DNAH11: variants seen among roughly 807,000 people sequenced by gnomAD.
DNAH11 encodes dynein axonemal heavy chain 11, also known as axonemal beta dynein heavy chain 11.
Under a neutral mutation model 526.0 loss-of-function variants are expected in DNAH11, and 442 were observed. The ratio of observed to expected loss-of-function variants is 0.84; its 90% CI spans 0.78 to 0.91. The LOEUF is 0.91. Ranked by LOEUF, DNAH11 falls within the 40% of genes least tolerant of loss-of-function variation. The probability of loss-of-function intolerance (pLI) is 0.00; values close to 1 mark genes in which losing one functional copy is unlikely to be tolerated. For synonymous variants in DNAH11, 2,461 were observed against 1,935.9 expected (o/e 1.27, Z -7.12); for missense variants, 6,989 against 5,448.7 (o/e 1.28, Z -8.90).
chr7:21,657,125 A>C (rs1782046737), intron 29 of DNAH11, among the ~76,000 whole-genome samples: 1 of 152,144 alleles, frequency 6.6e-6, no homozygotes, highest in South Asian at 2.1e-4. Context: ...AACATATACA[A>C]ATTCACCCTC....
intron 31 of DNAH11, among the ~76,000 whole-genome samples, chr7:21,683,245 G>A (rs960515636): frequency 6.6e-6 from 1 of 152,160 alleles, no homozygotes; most frequent in African/African-American, 2.4e-5. Context: ...AAGAGACAGG[G>A]ATTTTTAACT....
chr7:21,649,761 G>A (rs1787543859), intron 28 of DNAH11, among the ~76,000 whole-genome samples: 1 of 151,804 alleles, frequency 6.6e-6, no homozygotes, highest in African/African-American at 2.4e-5. Flanking sequence ...CACCTCCTGG[G>A]TTCAAGCAAT....
chr7:21,588,363 G>A, intron 10 of DNAH11, 149 bp from the exon 11 acceptor site: 1 of 1,308,766 alleles, frequency 7.6e-7, no homozygotes, highest in Non-Finnish European at 1.0e-6. Context: ...ACTTGCTTTA[G>A]GACTGTAACT....
At chr7:21,789,816 C>CCTTCCT (rs1788379077) in intron 61 of DNAH11, among the ~76,000 whole-genome samples, 1 of 70,060 alleles carries the variant, frequency 1.4e-5, no homozygotes, top group African/African-American at 4.5e-5. Context: ...TTTTTTCTTT[C>CCTTCCT]TTTCTTTCTT....
Position 21,606,453 on chromosome 7 carries a change from A to G in DNAH11, c.3676A>G (p.Lys1226Glu), listed in dbSNP as rs1200553312. ...EELPERWETT[K>E]KIAATVRHEV... ...ATTACCTGAAAGATGGGAAACTACC[A>G]AAAAGATCGCAGCAACTGTCAGACA... is the stretch of plus-strand genomic sequence containing the variant. Residue 1226 changes from lysine (K) to glutamate (E), a missense_variant, in exon 19 of 82, where the codon AAA becomes GAA. Transcript: ENST00000409508. 8 of 1,606,264 alleles carry G rather than the reference A, an allele frequency of 5.0e-6. No individual in the cohort carries two copies. The East Asian group carries it at 1.6e-4, about 31-fold the overall frequency.
In DNAH11 at chr7:21,711,763, C is replaced by T. The variant is rs1008061892; in HGVS notation, c.6886C>T (p.Leu2296Phe). 2.5e-6 allele frequency: 4 copies of T among 1,613,784 alleles called. No homozygotes were observed. In the African/African-American group the frequency reaches 5.3e-5, roughly 22 times the overall value. ...CATTGCACTCACTCCCTTCATGAGG[C>T]TTCTGTTTGAGATACATCACTTAAG... ...ERIALTPFMRLLFEIHHLRSA... is the reference protein window; with the variant it reads ...ERIALTPFMRFLFEIHHLRSA... Residue 2296 changes from leucine to phenylalanine, a missense_variant, in exon 42 of 82, where the codon CTT becomes TTT. Physicochemically the swap from Leu to Phe is conservative, Grantham distance 22. Coordinates refer to ENST00000409508, the MANE Select transcript of DNAH11 (RefSeq NM_001277115.2).
chr7:21,789,767 T>C (rs901768457), intron 61 of DNAH11, among the ~76,000 whole-genome samples: 3 of 57,960 alleles, frequency 5.2e-5, no homozygotes, highest in East Asian at 3.5e-4. Context: ...CTTTCTCTCT[T>C]TCTTTCTTTC....
chr7:21,804,479 A>G (rs894111659), intron 62 of DNAH11, among the ~76,000 whole-genome samples: 1 of 152,124 alleles, frequency 6.6e-6, no homozygotes, highest in African/African-American at 2.4e-5. Context: ...TAAATACACT[A>G]TCTCTCTGAA....
chr7:21,637,355 A>G (rs1221574537), intron 26 of DNAH11, among the ~76,000 whole-genome samples: 4 of 151,764 alleles, frequency 2.6e-5, no homozygotes, highest in African/African-American at 9.7e-5. Flanking sequence ...GAAGAGAAAA[A>G]TTCTGTGTGG....
chr7:21,818,751 A>C (rs767716802), intron 65 of DNAH11, among the ~76,000 whole-genome samples: 1 of 152,160 alleles, frequency 6.6e-6, no homozygotes, highest in East Asian at 1.9e-4. Context: ...TAAAATCAGC[A>C]TGGGTTTACT....
intron 35 of DNAH11, among the ~76,000 whole-genome samples, chr7:21,696,794 A>C (rs558566998): frequency 2.0e-5 from 3 of 152,314 alleles, no homozygotes; most frequent in Admixed American, 6.5e-5. Flanking sequence ...TGTAAAATGA[A>C]GATAAGAGGA....
intron 54 of DNAH11, among the ~76,000 whole-genome samples, chr7:21,764,519 C>T (rs1306493662): frequency 6.6e-6 from 1 of 152,044 alleles, no homozygotes; most frequent in East Asian, 1.9e-4. Context: ...AGTTCTCTTC[C>T]CAGTGTCCTC....
chr7:21,886,471 C>T (rs1784127589), intron 76 of DNAH11, among the ~76,000 whole-genome samples: 1 of 152,066 alleles, frequency 6.6e-6, no homozygotes, highest in African/African-American at 2.4e-5. Flanking sequence ...ATGGTCTTTC[C>T]TTAGTTCTAA....
intron 43 of DNAH11, among the ~76,000 whole-genome samples, chr7:21,718,891 G>A (rs1458044319): frequency 6.6e-6 from 1 of 152,112 alleles, no homozygotes; most frequent in Admixed American, 6.5e-5. Context: ...TTAAATAAAC[G>A]ATAGTCTTCA....
intron 25 of DNAH11, among the ~76,000 whole-genome samples, chr7:21,624,723 T>C (rs1428271621): frequency 2.0e-5 from 3 of 152,196 alleles, no homozygotes; most frequent in Admixed American, 6.5e-5. Flanking sequence ...GTACATTCTT[T>C]ATATGCCAAT....
At chr7:21,673,619 C>A (rs1160969460) in intron 30 of DNAH11, among the ~76,000 whole-genome samples, 1 of 152,172 alleles carries the variant, frequency 6.6e-6, no homozygotes, top group Non-Finnish European at 1.5e-5. Flanking sequence ...TTCTTTCCTC[C>A]TGTTTCTTCG....
intron 44 of DNAH11, among the ~76,000 whole-genome samples, chr7:21,724,679 A>G (rs78346070): frequency 1.6e-5 from 1 of 62,178 alleles, no homozygotes; most frequent in African/African-American, 5.9e-5. Context: ...AATATAGGAA[A>G]CACTGGGCCA....
rs1228764412 is a variant in DNAH11 at position 21,864,661 on chromosome 7, T to A, written c.11496+4T>A. ...TCAGTCATGGAGTGCTATCAAGGTA[T>A]GTTAGGAATACAGTTTCTCAAATTC... On this transcript the variant is annotated splice_donor_region_variant and intron_variant, in intron 70 of 81. Coordinates refer to ENST00000409508, the MANE Select transcript of DNAH11 (RefSeq NM_001277115.2). 1.9e-6 allele frequency: 3 copies of A among 1,581,388 alleles called. No individual in the cohort carries two copies. The highest frequency in any genetic ancestry group is 2.6e-6 in the Non-Finnish European group (3 of 1,165,476).
In DNAH11 at chr7:21,561,131, T is replaced by A; in HGVS notation, c.943T>A (p.Phe315Ile). Residue 315 changes from phenylalanine to isoleucine, a missense_variant, in exon 5 of 82, where the codon TTT becomes ATT. Phe to Ile is a conservative substitution (Grantham distance 21, BLOSUM62 0). Coordinates refer to ENST00000409508, the MANE Select transcript of DNAH11 (RefSeq NM_001277115.2). Reference sequence around the variant, plus strand: ...CCTGACAACTAAACAAAGCAGCTATTTTCCTACTCTGAAGGACATTTTTCT... The same window carrying A: ...CCTGACAACTAAACAAAGCAGCTATATTCCTACTCTGAAGGACATTTTTCT... ...KILTTKQSSYFPTLKDIFLAV... is the reference protein window; with the variant it reads ...KILTTKQSSYIPTLKDIFLAV... 1 of 1,602,844 alleles carries A rather than the reference T, an allele frequency of 6.2e-7. No individual in the cohort carries two copies. Among genetic ancestry groups the A allele is most frequent in the Non-Finnish European group, 8.5e-7 (1 of 1,174,306 alleles).
Sources: allele counts gnomAD v4.1 joint callset (sites outside exome capture counted in the v4.1 genomes callset), GRCh38; gene constraint gnomAD v4.1.1; transcripts MANE v1.5; gene names NCBI Gene and HGNC (gene_info 2026-07-23, HGNC 2026-07-21).